The following ZNF589 variants were observed in gnomAD, a reference collection of about 807,000 sequenced individuals.
ZNF589 encodes KRAB-zinc finger protein SZF1-1.
ZNF589 carries 17 observed loss-of-function variants against 13.6 expected under a neutral mutation model. The observed-to-expected ratio is 1.25, with a 90% CI of 0.86 to 1.88. The LOEUF (loss-of-function observed/expected upper bound fraction) is 1.88, where lower values mean the gene tolerates loss of function less well. ZNF589 is among the 40% of genes most tolerant of loss of function. The pLI, the probability that ZNF589 is intolerant of heterozygous loss-of-function variation, is 0.00. For missense variants in ZNF589, 407 were observed against 434.0 expected, an observed-to-expected ratio of 0.94 and a Z score of 0.55; for synonymous variants, 148 against 161.6, an observed-to-expected ratio of 0.92 and a Z score of 0.64.
chr3:48,262,147 T>C (rs1369248799), intron 3 of ZNF589, among the ~76,000 whole-genome samples: 1 of 152,184 alleles, frequency 6.6e-6, no homozygotes, highest in African/African-American at 2.4e-5. Context: ...GACATACCAC[T>C]CCTTTATATC....
At chr3:48,249,294 G>C (rs1481440388) in intron 2 of ZNF589, among the ~76,000 whole-genome samples, 1 of 151,970 alleles carries the variant, frequency 6.6e-6, no homozygotes, top group Non-Finnish European at 1.5e-5. Context: ...GTAGAAACAG[G>C]GTTTCACCAT....
chr3:48,263,166 A>G (rs1388583968), intron 3 of ZNF589, among the ~76,000 whole-genome samples: 1 of 151,488 alleles, frequency 6.6e-6, no homozygotes, highest in South Asian at 2.1e-4. Context: ...CTGGAGTGCA[A>G]TGGTGCAATC....
In ZNF589 at chr3:48,270,926, T is replaced by C; in HGVS notation, c.*2140T>C. The C allele has an allele frequency of 5.0e-6, 1 of 198,130 alleles. No homozygotes were observed. The highest frequency in any genetic ancestry group is 1.0e-5 in the Non-Finnish European group (1 of 99,454). 12.3% of individuals were successfully genotyped at this position (198,130 alleles called of 1,614,324 possible). A position where few individuals can be genotyped will look rare whatever the true frequency, so the allele number is the denominator to read the frequency against. On this transcript the variant is annotated 3_prime_UTR_variant, in exon 4 of 4. Transcript: ENST00000354698. ...CCTAATGTGTCTGGAATTGGTGGGT[T>C]CTTGGTCTTGCTGACTTCAAGAATG...
chr3:48,256,541 G>A, intron 2 of ZNF589: 1 of 654,174 alleles, frequency 1.5e-6, no homozygotes, highest in South Asian at 1.6e-5. Context: ...AGGAAGCTGA[G>A]GCCTGTGATT....
At chr3:48,262,974 G>A (rs1025856853) in intron 3 of ZNF589, among the ~76,000 whole-genome samples, 1 of 152,204 alleles carries the variant, frequency 6.6e-6, no homozygotes, top group Non-Finnish European at 1.5e-5. Flanking sequence ...GCATATCCAT[G>A]TGTGTCTGCA....
intron 2 of ZNF589, among the ~76,000 whole-genome samples, chr3:48,258,453 G>A (rs1484580096): frequency 2.0e-5 from 3 of 152,016 alleles, no homozygotes; most frequent in Non-Finnish European, 4.4e-5. Context: ...ATAGAAAACC[G>A]TGTCCTTGGC....
intron 2 of ZNF589, among the ~76,000 whole-genome samples, chr3:48,253,927 T>TA (rs1395708302): frequency 2.0e-5 from 3 of 152,154 alleles, no homozygotes; most frequent in Admixed American, 2.0e-4. Flanking sequence ...CCCATCTCTA[T>TA]AAAAAATTAA....
chr3:48,267,063 GTT>G (rs1476947389), intron 3 of ZNF589, among the ~76,000 whole-genome samples: 1 of 152,156 alleles, frequency 6.6e-6, no homozygotes, highest in Non-Finnish European at 1.5e-5. Context: ...CTTCATTTGA[GTT>G]TCCCCACTCA....
chr3:48,241,758 C>A (rs1005401806), intron 1 of ZNF589, among the ~76,000 whole-genome samples: 1 of 152,098 alleles, frequency 6.6e-6, no homozygotes, highest in African/African-American at 2.4e-5. Context: ...TTTTGAACTC[C>A]AGACCTCGTG....
chr3:48,248,661 T>C (rs1033845408), intron 2 of ZNF589, among the ~76,000 whole-genome samples: 1 of 152,126 alleles, frequency 6.6e-6, no homozygotes, highest in Non-Finnish European at 1.5e-5. Flanking sequence ...CTGTCCTTAT[T>C]CTCAAAGATC....
rs747046361 is a variant in ZNF589, at chr3:48,268,371, A to G, written c.680A>G (p.Lys227Arg). Residue 227 changes from lysine to arginine, a missense_variant, in exon 4 of 4, where the codon AAG (lysine) becomes AGG (arginine). Lys to Arg is a conservative substitution (Grantham distance 26). Coordinates refer to ENST00000354698, the MANE Select transcript of ZNF589 (RefSeq NM_016089.3). ...FGECALAFNQ[K>R]SNLFRQKAVT... ...GAGTGTGCACTAGCTTTTAACCAGA[A>G]GTCAAACCTGTTCAGACAGAAGGCA... is the stretch of plus-strand genomic sequence containing the variant. 6.2e-7 allele frequency: 1 copy of G among 1,614,216 alleles called. No individual in the cohort carries two copies. The highest frequency in any genetic ancestry group is 8.5e-7 in the Non-Finnish European group (1 of 1,180,026).
rs772747022 is a variant in ZNF589 at position 48,268,241 on chromosome 3, A to C, written c.550A>C (p.Ile184Leu). Residue 184 changes from isoleucine to leucine, a missense_variant, in exon 4 of 4, where the codon ATA (isoleucine) becomes CTA (leucine). Coordinates refer to ENST00000354698, the MANE Select transcript of ZNF589 (RefSeq NM_016089.3). Reference sequence around the variant, plus strand: ...AATAAGCTCTTGGGGAGGCAACAGAATATTAGAGATACAGCTCAGTCCAGC... The same window carrying C: ...AATAAGCTCTTGGGGAGGCAACAGACTATTAGAGATACAGCTCAGTCCAGC... ...PPISSWGGNR[I>L]LEIQLSPAQN... 1.9e-6 allele frequency: 3 copies of C among 1,606,186 alleles called. No individual in the cohort carries two copies. Among genetic ancestry groups the C allele is most frequent in the Non-Finnish European group, 2.6e-6 (3 of 1,175,858 alleles).
intron 2 of ZNF589, among the ~76,000 whole-genome samples, chr3:48,254,975 TG>T: frequency 6.6e-6 from 1 of 152,270 alleles, no homozygotes; most frequent in East Asian, 1.9e-4. Flanking sequence ...TTCTTTTTCT[TG>T]TCTCATTGCA....
At chr3:48,243,534 G>C (rs868380582) in intron 1 of ZNF589, among the ~76,000 whole-genome samples, 1 of 151,992 alleles carries the variant, frequency 6.6e-6, no homozygotes, top group Admixed American at 6.6e-5. Context: ...ACAATGGACC[G>C]GGCGCGGTGA....
intron 1 of ZNF589, 91 bp downstream of exon 1, chr3:48,241,305 T>G (rs1228552344): frequency 6.6e-7 from 1 of 1,515,558 alleles, no homozygotes; most frequent in East Asian, 2.3e-5. Flanking sequence ...GGGATGCGCG[T>G]GGGGTGCGAG....
intron 1 of ZNF589, 130 bp downstream of exon 1, chr3:48,241,344 C>A (rs2033696349): frequency 1.7e-6 from 2 of 1,176,248 alleles, no homozygotes; most frequent in Non-Finnish European, 2.4e-6. Flanking sequence ...ACCCCTACAG[C>A]GGCTCTTACT....
chr3:48,246,871 T>C (rs922081443), intron 1 of ZNF589, among the ~76,000 whole-genome samples: 1 of 152,050 alleles, frequency 6.6e-6, no homozygotes, highest in Non-Finnish European at 1.5e-5. Context: ...GGTTTCACTG[T>C]GTTAGTCAGG....
Position 48,270,770 on chromosome 3 carries a change from G to T in ZNF589, c.*1984G>T. On this transcript the variant is annotated 3_prime_UTR_variant, in exon 4 of 4. Transcript: ENST00000354698. Reference sequence around the variant, plus strand: ...CTTGGAGAGAGAGAAGGAATGGCTGGTCCAGAGGCTTTTGTCCACTCCCTC... The same window carrying T: ...CTTGGAGAGAGAGAAGGAATGGCTGTTCCAGAGGCTTTTGTCCACTCCCTC... 6.1e-6 allele frequency: 1 copy of T among 163,522 alleles called. No homozygotes were observed. Among genetic ancestry groups the T allele is most frequent in the Non-Finnish European group, 1.3e-5 (1 of 74,714 alleles). 10.1% of individuals were successfully genotyped at this position (163,522 alleles called of 1,614,324 possible).
At chr3:48,252,529 T>A (rs1372815085) in intron 2 of ZNF589, among the ~76,000 whole-genome samples, 1 of 151,788 alleles carries the variant, frequency 6.6e-6, no homozygotes, top group African/African-American at 2.4e-5. Flanking sequence ...AATCTATCAA[T>A]TTGAAATTGA....
Sources: allele counts gnomAD v4.1 joint callset (sites outside exome capture counted in the v4.1 genomes callset), GRCh38; gene constraint gnomAD v4.1.1; transcripts MANE v1.5; gene names NCBI Gene and HGNC (gene_info 2026-07-23, HGNC 2026-07-21).